Variants in TMEM45B observed in about 807,000 individuals in gnomAD.
The protein encoded by TMEM45B is transmembrane protein 45B.
TMEM45B carries 29 observed loss-of-function variants against 27.3 expected under a neutral mutation model. That is an observed-to-expected ratio of 1.06 (90% CI 0.79 to 1.45). The LOEUF is 1.45. Among genes scored for constraint, TMEM45B ranks in the 40% most tolerant of loss-of-function variants. TMEM45B has a pLI of 0.00. For missense variants in TMEM45B, 348 were observed against 343.9 expected (o/e 1.01, Z -0.09); for synonymous variants, 143 against 134.7 (o/e 1.06, Z -0.43).
intron 1 of TMEM45B, among the ~76,000 whole-genome samples, chr11:129,816,220 TC>T (rs1261511096): frequency 6.6e-6 from 1 of 151,868 alleles, no homozygotes; most frequent in Non-Finnish European, 1.5e-5. Flanking sequence ...TATTGCTCAG[TC>T]CCCCGCGAGT....
At position 129,854,590 on chromosome 11, in the gene TMEM45B, C is replaced by G; in HGVS notation, c.179-20C>G. The G allele has an allele frequency of 6.2e-7, 1 of 1,612,744 alleles. No homozygotes were observed. Among genetic ancestry groups the G allele is most frequent in the South Asian group, 1.1e-5 (1 of 90,960 alleles). ...AGAGCTACTCTTCCCTCTAAAACAT[C>G]CATCCTCATTTCCCTGCAGGGATCC... On this transcript the variant is annotated intron_variant, in intron 2 of 5. Coordinates refer to ENST00000281441, the MANE Select transcript of TMEM45B (RefSeq NM_138788.5).
chr11:129,829,325 C>T (rs1213196295), intron 1 of TMEM45B, among the ~76,000 whole-genome samples: 4 of 152,190 alleles, frequency 2.6e-5, no homozygotes, highest in African/African-American at 9.7e-5. Flanking sequence ...CTAACTCAGC[C>T]TTCCTCAGGC....
intron 1 of TMEM45B, among the ~76,000 whole-genome samples, chr11:129,822,077 T>C (rs1947425920): frequency 6.6e-6 from 1 of 152,206 alleles, no homozygotes; most frequent in African/African-American, 2.4e-5. Flanking sequence ...TTAAAAAATA[T>C]CCCATGTTTT....
rs772606174 is a variant in TMEM45B at position 129,857,315 on chromosome 11, T to C, written c.573T>C (p.Ile191=). The C allele has an allele frequency of 6.2e-7, 1 of 1,614,022 alleles. No homozygotes were observed. The highest frequency in any genetic ancestry group is 8.5e-7 in the Non-Finnish European group (1 of 1,179,918). ...IILQGTWFWQ[I]GFVLFPPFGT... ...AACTTCTCTCTGTAATCCCCTAGAT[T>C]GGGTTTGTGCTGTTCCCACCTTTTG... Residue 191 remains isoleucine, a splice_region_variant and synonymous_variant, in exon 5 of 6, where the codon ATT becomes ATC. Coordinates refer to ENST00000281441, the MANE Select transcript of TMEM45B (RefSeq NM_138788.5).
intron 1 of TMEM45B, among the ~76,000 whole-genome samples, chr11:129,819,738 T>G (rs1459719204): frequency 1.3e-5 from 2 of 152,012 alleles, no homozygotes; most frequent in East Asian, 2.0e-4. Context: ...GTATTTTTAG[T>G]AGAGACGGGG....
At chr11:129,855,625 TAGCTGAGAC>T in intron 3 of TMEM45B, 74 bp from the exon 4 acceptor site, 1 of 1,437,470 alleles carries the variant, frequency 7.0e-7, no homozygotes. Context: ...CTGAAGAACC[TAGCTGAGAC>T]AGGTGTAGGA....
At chr11:129,852,040 ACT>A (rs1463632026) in intron 1 of TMEM45B, among the ~76,000 whole-genome samples, 4 of 151,870 alleles carry the variant, frequency 2.6e-5, no homozygotes, top group African/African-American at 4.8e-5. Flanking sequence ...ATTTGTAAAG[ACT>A]CTAATGTAAT....
chr11:129,853,861 T>G (rs903949165), intron 2 of TMEM45B, among the ~76,000 whole-genome samples: 5 of 152,252 alleles, frequency 3.3e-5, no homozygotes, highest in African/African-American at 1.2e-4. Flanking sequence ...GAGGATTTCT[T>G]CTAGGCTTCC....
chr11:129,849,521 A>AC (rs1405483649), intron 1 of TMEM45B, among the ~76,000 whole-genome samples: 3 of 152,116 alleles, frequency 2.0e-5, no homozygotes. Context: ...CAGTGGCTCC[A>AC]CCCCGGTGAC....
intron 1 of TMEM45B, among the ~76,000 whole-genome samples, chr11:129,817,278 T>C (rs1401440062): frequency 6.6e-6 from 1 of 152,154 alleles, no homozygotes; most frequent in African/African-American, 2.4e-5. Context: ...ACCTGGATGT[T>C]GTGCAGTGGG....
rs1026063551 is a variant in TMEM45B at position 129,855,810 on chromosome 11, T to C, written c.488T>C (p.Leu163Pro). The part of the protein sequence containing the change: ...ALFGGCVSIS[L>P]EVIFRDHIVL... ...TTCGGAGGGTGTGTTAGTATCTCCC[T>C]AGAGGTGATCTTCCGGGACCACATT... The change falls in exon 4 of 6, where the codon CTA becomes CCA. Residue 163 changes from leucine (L) to proline (P), a missense_variant. Transcript: ENST00000281441. 4.3e-6 allele frequency: 7 copies of C among 1,614,122 alleles called. No homozygotes were observed. Among genetic ancestry groups the C allele is most frequent in the Non-Finnish European group, 5.9e-6 (7 of 1,180,010 alleles).
chr11:129,854,774 G>A lies in TMEM45B; in HGVS notation c.343G>A (p.Gly115Arg), dbSNP rs756422566. Residue 115 changes from glycine to arginine, a missense_variant, in exon 3 of 6, where the codon GGG (glycine) becomes AGG (arginine). Physicochemically the swap from Gly to Arg is moderately radical, Grantham distance 125 (BLOSUM62 -2). Transcript: ENST00000281441. Reference sequence around the variant, plus strand: ...CTATCTGGTCAGCCACGTTCCCTTGGGGGTGGACAGACTGGTTATGGCTGT... The same window carrying A: ...CTATCTGGTCAGCCACGTTCCCTTGAGGGTGGACAGACTGGTTATGGCTGT... ...LTYLVSHVPL[G>R]VDRLVMAVAV... is the part of the protein sequence containing the mutation. The A allele has an allele frequency of 3.1e-6, 5 of 1,614,056 alleles. No homozygotes were observed. Among genetic ancestry groups the A allele is most frequent in the Non-Finnish European group, 4.2e-6 (5 of 1,180,052 alleles).
At chr11:129,840,544 A>G (rs962889004) in intron 1 of TMEM45B, among the ~76,000 whole-genome samples, 1 of 152,200 alleles carries the variant, frequency 6.6e-6, no homozygotes, top group Admixed American at 6.5e-5. Flanking sequence ...ACCTGTGTTA[A>G]ACATTAAACA....
intron 1 of TMEM45B, among the ~76,000 whole-genome samples, chr11:129,848,302 G>A (rs1947796114): frequency 6.6e-6 from 1 of 152,192 alleles, no homozygotes; most frequent in Non-Finnish European, 1.5e-5. Flanking sequence ...CTCGCGGTTA[G>A]GAGCTGGAGA....
Position 129,858,866 on chromosome 11 carries a change from G to A in TMEM45B, c.*181G>A. On this transcript the variant is annotated 3_prime_UTR_variant, in exon 6 of 6. Coordinates refer to ENST00000281441, the MANE Select transcript of TMEM45B (RefSeq NM_138788.5). ...AGGCCTACAGCATCCTGTGTATCTT[G>A]CAGTTGGGATTTTTAAACATACTAT... 1 of 457,286 alleles carries A rather than the reference G, an allele frequency of 2.2e-6. No homozygotes were observed. 28.3% of individuals were successfully genotyped at this position (457,286 alleles called of 1,614,324 possible).
chr11:129,845,312 G>A (rs948362369), intron 1 of TMEM45B, among the ~76,000 whole-genome samples: 2 of 140,660 alleles, frequency 1.4e-5, no homozygotes, highest in African/African-American at 2.8e-5. Context: ...CATGAAGGAA[G>A]GGGTAGGAAA....
intron 4 of TMEM45B, among the ~76,000 whole-genome samples, chr11:129,856,358 C>T (rs1184292674): frequency 6.6e-6 from 1 of 151,798 alleles, no homozygotes; most frequent in Non-Finnish European, 1.5e-5. Flanking sequence ...GTTACAGGTG[C>T]CCGCCACCAC....
At chr11:129,856,703 G>A (rs1247140568) in intron 4 of TMEM45B, among the ~76,000 whole-genome samples, 1 of 151,312 alleles carries the variant, frequency 6.6e-6, no homozygotes, top group Non-Finnish European at 1.5e-5. Flanking sequence ...GGGACTACAG[G>A]CGCCCGCCAC....
chr11:129,857,142 A>G (rs527905807), intron 4 of TMEM45B, among the ~76,000 whole-genome samples, 171 bp from the exon 5 acceptor site: 1 of 152,274 alleles, frequency 6.6e-6, no homozygotes, highest in Admixed American at 6.5e-5. Flanking sequence ...GTAAGCCACC[A>G]TACCTGGCCA....
Sources: allele counts gnomAD v4.1 joint callset (sites outside exome capture counted in the v4.1 genomes callset), GRCh38; gene constraint gnomAD v4.1.1; transcripts MANE v1.5; gene names NCBI Gene and HGNC (gene_info 2026-07-23, HGNC 2026-07-21).